Variants in GPC6 observed in about 807,000 individuals in gnomAD.
The protein encoded by GPC6 is glypican-6.
GPC6 carries 14 observed loss-of-function variants against 55.2 expected under a neutral mutation model. The observed-to-expected ratio is 0.25, with a 90% CI of 0.17 to 0.40. The LOEUF (loss-of-function observed/expected upper bound fraction) is 0.40, where lower values mean the gene tolerates loss of function less well. Ranked by LOEUF, GPC6 falls within the 10% of genes least tolerant of loss-of-function variation. The pLI, the probability that GPC6 is intolerant of heterozygous loss-of-function variation, is 1.00. For synonymous variants in GPC6, 278 were observed against 259.6 expected, an observed-to-expected ratio of 1.07 and a Z score of -0.68; for missense variants, 641 against 708.5, an observed-to-expected ratio of 0.90 and a Z score of 1.08.
chr13:94,110,967 TAA>T (rs973329588), intron 4 of GPC6, among the ~76,000 whole-genome samples: 3 of 152,158 alleles, frequency 2.0e-5, no homozygotes, highest in Non-Finnish European at 2.9e-5. Context: ...TGTACAAATA[TAA>T]GTTTCCCTTA....
intron 4 of GPC6, among the ~76,000 whole-genome samples, chr13:94,066,965 A>C (rs1884537827): frequency 6.6e-6 from 1 of 152,202 alleles, no homozygotes; most frequent in South Asian, 2.1e-4. Flanking sequence ...TTCTATGAAT[A>C]TGTGTTGGTG....
chr13:93,272,252 G>T (rs1877555708), intron 1 of GPC6, among the ~76,000 whole-genome samples: 1 of 151,746 alleles, frequency 6.6e-6, no homozygotes, highest in Non-Finnish European at 1.5e-5. Flanking sequence ...ACTTAGCTTT[G>T]GGAATATGTA....
intron 4 of GPC6, among the ~76,000 whole-genome samples, chr13:94,058,535 T>C (rs1255947798): frequency 2.0e-5 from 3 of 152,118 alleles, no homozygotes; most frequent in East Asian, 1.9e-4. Flanking sequence ...CATAGCCCCC[T>C]AGGTGGTTAC....
At chr13:94,402,897 G>A in intron 8 of GPC6, 118 bp from the exon 9 acceptor site, 1 of 826,356 alleles carries the variant, frequency 1.2e-6, no homozygotes, top group South Asian at 1.3e-5. Context: ...CCTCCACATG[G>A]CCTCTCCCCT....
intron 4 of GPC6, among the ~76,000 whole-genome samples, chr13:94,120,313 A>G (rs1886580901): frequency 6.6e-6 from 1 of 152,104 alleles, no homozygotes; most frequent in Non-Finnish European, 1.5e-5. Context: ...CAAAACCTTT[A>G]GGATTCAGCA....
chr13:93,951,785 C>A (rs1336461423), intron 3 of GPC6, among the ~76,000 whole-genome samples: 2 of 152,144 alleles, frequency 1.3e-5, no homozygotes, highest in African/African-American at 2.4e-5. Context: ...TAAGCAAAAT[C>A]TTGAATTTTT....
intron 3 of GPC6, among the ~76,000 whole-genome samples, chr13:93,979,150 T>C (rs992252000): frequency 6.6e-6 from 1 of 152,268 alleles, no homozygotes; most frequent in South Asian, 2.1e-4. Context: ...CACTCTCCAA[T>C]ATGGTACTCA....
At chr13:93,490,647 C>G (rs1322562766) in intron 1 of GPC6, among the ~76,000 whole-genome samples, 1 of 126,516 alleles carries the variant, frequency 7.9e-6, no homozygotes, top group Non-Finnish European at 1.6e-5. Context: ...TTAGGTATAT[C>G]TCCCAGTGCT....
chr13:93,946,089 C>T (rs917135659), intron 3 of GPC6, among the ~76,000 whole-genome samples: 1 of 151,892 alleles, frequency 6.6e-6, no homozygotes, highest in Non-Finnish European at 1.5e-5. Flanking sequence ...TAGCATTTGC[C>T]GATCTCCACA....
At chr13:93,740,202 G>A (rs1212683220) in intron 2 of GPC6, among the ~76,000 whole-genome samples, 1 of 114,126 alleles carries the variant, frequency 8.8e-6, no homozygotes, top group Non-Finnish European at 1.6e-5. Context: ...TATGTCGTAA[G>A]GTCTAATTTT....
rs560386594 is a variant in GPC6, at chr13:94,197,446, A to G, written c.878-88903A>G. On this transcript the variant is annotated intron_variant, in intron 4 of 8. Coordinates refer to ENST00000377047, the MANE Select transcript of GPC6 (RefSeq NM_005708.5). ...TAATTCTAGAGACCAGAAGTCCAAG[A>G]TCAAGGTTCTGGCCAATTCAGTTTC... 7.3e-4 allele frequency among the ~76,000 whole-genome samples: 111 copies of G among 152,318 alleles called. 1 individual carries two copies. Among genetic ancestry groups the G allele is most frequent in the African/African-American group, 2.6e-3 (107 of 41,584 alleles).
chr13:94,245,362 C>T (rs1891165863), intron 4 of GPC6, among the ~76,000 whole-genome samples: 1 of 151,170 alleles, frequency 6.6e-6, no homozygotes, highest in Admixed American at 6.6e-5. Flanking sequence ...AGTTTGAGAC[C>T]AAACTGGGTA....
intron 6 of GPC6, among the ~76,000 whole-genome samples, chr13:94,368,386 C>T (rs879363805): frequency 6.6e-6 from 1 of 152,072 alleles, no homozygotes. Flanking sequence ...ATCCCCAAGA[C>T]TTATTTAGAA....
chr13:94,078,834 C>A (rs765117736), intron 4 of GPC6, among the ~76,000 whole-genome samples: 5 of 151,916 alleles, frequency 3.3e-5, no homozygotes, highest in African/African-American at 7.2e-5. Context: ...GAATTAATGC[C>A]AGTCCTTCTC....
intron 1 of GPC6, among the ~76,000 whole-genome samples, chr13:93,305,732 T>A (rs1475896462): frequency 6.6e-6 from 1 of 152,216 alleles, no homozygotes; most frequent in Non-Finnish European, 1.5e-5. Context: ...AAAAACTTTA[T>A]TCTTCCAACT....
chr13:93,712,171 G>C (rs1566499118), intron 2 of GPC6, among the ~76,000 whole-genome samples: 1 of 151,716 alleles, frequency 6.6e-6, no homozygotes, highest in African/African-American at 2.4e-5. Context: ...TCATATAGCA[G>C]CATTTTATCA....
chr13:93,678,507 C>A (rs1486836211), intron 2 of GPC6, among the ~76,000 whole-genome samples: 1 of 152,130 alleles, frequency 6.6e-6, no homozygotes, highest in South Asian at 2.1e-4. Context: ...TAGCTGTCAA[C>A]TGAAGGGCTT....
intron 3 of GPC6, among the ~76,000 whole-genome samples, chr13:93,876,085 G>C (rs1272945518): frequency 1.3e-5 from 2 of 151,952 alleles, no homozygotes; most frequent in Non-Finnish European, 2.9e-5. Flanking sequence ...CAAACAAATA[G>C]CTTGTGTCAG....
At chr13:94,215,290 C>T (rs1451592082) in intron 4 of GPC6, among the ~76,000 whole-genome samples, 1 of 152,100 alleles carries the variant, frequency 6.6e-6, no homozygotes, top group East Asian at 1.9e-4. Context: ...CTCAACATCA[C>T]CAATCAGTTC....
Sources: gnomAD v4.1 joint callset for allele counts (sites outside exome capture counted in the v4.1 genomes callset) on GRCh38, gnomAD v4.1.1 for gene constraint, MANE v1.5 for transcripts, NCBI Gene and HGNC (gene_info 2026-07-23, HGNC 2026-07-21) for gene names.